Variants in PRKD2 observed in about 807,000 individuals in gnomAD.
PRKD2 encodes the protein serine/threonine-protein kinase D2.
Under a neutral mutation model 86.0 loss-of-function variants are expected in PRKD2, and 22 were observed. That is an observed-to-expected ratio of 0.26 (90% CI 0.18 to 0.37). PRKD2 has a LOEUF of 0.37. PRKD2 is among the 10% of genes least tolerant of loss of function. The pLI, the probability that PRKD2 is intolerant of heterozygous loss-of-function variation, is 1.00. For synonymous variants in PRKD2, 509 were observed against 510.9 expected (o/e 1.00, Z 0.05); for missense variants, 818 against 1,199.2 (o/e 0.68, Z 4.70).
At position 46,710,917 on chromosome 19, in the gene PRKD2, G is replaced by A; in HGVS notation, c.501C>T (p.Leu167=). 5 of 1,534,944 alleles carry A rather than the reference G, an allele frequency of 3.3e-6. No individual in the cohort carries two copies. Among genetic ancestry groups the A allele is most frequent in the Non-Finnish European group, 4.4e-6 (5 of 1,134,672 alleles). ...EMLFGLVRQG[L]KCDGCGLNYH... is the part of the protein sequence containing the mutation. Reference sequence around the variant, plus strand: ...CCCTTTAGCTCTCACCATCGCACTTGAGGCCCTGGCGCACTAGGCCGAAGA... The same window carrying A: ...CCCTTTAGCTCTCACCATCGCACTTAAGGCCCTGGCGCACTAGGCCGAAGA... The change falls in exon 3 of 18, where the codon CTC becomes CTT. Residue 167 remains leucine (L), a synonymous_variant. Coordinates refer to ENST00000291281, the MANE Select transcript of PRKD2 (RefSeq NM_016457.5).
At chr19:46,687,449 A>AT (rs1451557493) in intron 14 of PRKD2, among the ~76,000 whole-genome samples, 1 of 152,080 alleles carries the variant, frequency 6.6e-6, no homozygotes, top group Non-Finnish European at 1.5e-5. Context: ...TGTAACACAA[A>AT]TGAGTTTGAC....
intron 15 of PRKD2, among the ~76,000 whole-genome samples, chr19:46,680,946 A>ATATATATATATATATATATATAT: frequency 3.9e-4 from 19 of 48,234 alleles, no homozygotes; most frequent in South Asian, 1.1e-3. Context: ...ATATATATAT[A>ATATATATATATATATATATATAT]TTTTTTTTTT....
Position 46,689,577 on chromosome 19 carries a change from C to T in PRKD2, c.1931G>A (p.Gly644Asp). 1 of 1,613,752 alleles carries T rather than the reference C, an allele frequency of 6.2e-7. No homozygotes were observed. The highest frequency in any genetic ancestry group is 8.5e-7 in the Non-Finnish European group (1 of 1,179,898). The change falls in exon 14 of 18, where the codon GGC becomes GAC. Residue 644 changes from glycine to aspartate, a missense_variant. This residue lies in a region of PRKD2 where 154 missense variants were observed against 359.6 expected (regional missense o/e 0.43). Coordinates refer to ENST00000291281, the MANE Select transcript of PRKD2 (RefSeq NM_016457.5). ...CTTGGTGAGGCGCTCAGGCAGCCGGCCCTTCTCACTGGACAGGATCATCTC... is the reference window on the plus strand; with the variant it reads ...CTTGGTGAGGCGCTCAGGCAGCCGGTCCTTCTCACTGGACAGGATCATCTC... ...MLEMILSSEKGRLPERLTKFL... is the reference protein window; with the variant it reads ...MLEMILSSEKDRLPERLTKFL...
At chr19:46,689,722 G>A in intron 13 of PRKD2, 24 bp from the exon 14 acceptor site, 1 of 1,613,368 alleles carries the variant, frequency 6.2e-7, no homozygotes. Context: ...AGCGGGGTCA[G>A]GGCCCAGGTA....
In PRKD2 at chr19:46,713,948, A is replaced by C; in HGVS notation, c.294T>G (p.His98Gln). 1 of 1,613,678 alleles carries C rather than the reference A, an allele frequency of 6.2e-7. No homozygotes were observed. The highest frequency in any genetic ancestry group is 8.5e-7 in the Non-Finnish European group (1 of 1,179,900). Residue 98 changes from histidine to glutamine, a missense_variant, in exon 2 of 18, where the codon CAT becomes CAG. Transcript: ENST00000291281. ...GCAGGAGGTTGGCCGACGTGGGGTC[A>C]TGTTTGAAAAGCAGGATCTTGTCGT... The part of the protein sequence containing the change: ...GLYDKILLFK[H>Q]DPTSANLLQL...
chr19:46,691,699 G>C (rs199809745), intron 12 of PRKD2, 36 bp downstream of exon 12: 3 of 1,605,628 alleles, frequency 1.9e-6, no homozygotes, highest in Non-Finnish European at 2.6e-6. Context: ...CCCCCAGCCC[G>C]GGGCTCCCTC....
rs113283031 is a variant in PRKD2 at position 46,678,707 on chromosome 19, G to C, written c.2071-44C>G. ...GGAGGCTCCACCAGGTGATGGAGCC[G>C]CACCCACCCCAGCATCCCCACCACA... On this transcript the variant is annotated intron_variant, in intron 15 of 17. Coordinates refer to ENST00000291281, the MANE Select transcript of PRKD2 (RefSeq NM_016457.5). The surrounding 1 kb of genome is among the most constrained non-coding windows in gnomAD (Gnocchi z 5.7). 1.9e-6 allele frequency: 3 copies of C among 1,564,482 alleles called. No homozygotes were observed. In the Admixed American group the frequency reaches 5.2e-5, roughly 27 times the overall value.
At chr19:46,679,516 T>TG in intron 15 of PRKD2, among the ~76,000 whole-genome samples, 1 of 152,194 alleles carries the variant, frequency 6.6e-6, no homozygotes, top group East Asian at 1.9e-4. Context: ...TCATCTGTAT[T>TG]GGGGGGTTGT....
rs1173082921 is a variant in PRKD2, at chr19:46,700,818, C to T, written c.1102G>A (p.Glu368Lys). 5 of 1,614,132 alleles carry T rather than the reference C, an allele frequency of 3.1e-6. No homozygotes were observed. Among genetic ancestry groups the T allele is most frequent in the East Asian group, 4.5e-5 (2 of 44,870 alleles). Residue 368 changes from glutamate (E) to lysine (K), a missense_variant, in exon 7 of 18, where the codon GAG (glutamate) becomes AAG (lysine). Transcript: ENST00000291281. The part of the protein sequence containing the change: ...ALHASEEEEG[E>K]GGKAQSSLGY... ...GTATACCTCTGGGCCTTGCCTCCCT[C>T]GCCTTCCTCCTCCTCACTGGCGTGG...
rs980297233 is a variant in PRKD2 at position 46,678,309 on chromosome 19, G to A, written c.2338+87C>T. ...ACCCCCAAGGTGCCAGGCTGTTTCC[G>A]GGTCCACCCCCCTCTCATGGCTCCG... On this transcript the variant is annotated intron_variant, in intron 16 of 17. Coordinates refer to ENST00000291281, the MANE Select transcript of PRKD2 (RefSeq NM_016457.5). The surrounding 1 kb of genome is among the most constrained non-coding windows in gnomAD (Gnocchi z 5.7). 9.8e-6 allele frequency: 15 copies of A among 1,526,682 alleles called. No individual in the cohort carries two copies. Among genetic ancestry groups the A allele is most frequent in the African/African-American group, 5.5e-5 (4 of 73,002 alleles). The allele number at this position is 1,526,682 out of a possible 1,614,324, so 94.6% of individuals were successfully genotyped here. A position where few individuals can be genotyped will look rare whatever the true frequency, so the allele number is the denominator to read the frequency against.
In PRKD2 at chr19:46,674,725, G is replaced by T; in HGVS notation, c.2435C>A (p.Thr812Lys). The T allele has an allele frequency of 6.2e-7, 1 of 1,604,432 alleles. No homozygotes were observed. Residue 812 changes from threonine to lysine, a missense_variant, in exon 18 of 18, where the codon ACG becomes AAG. Transcript: ENST00000291281. ...CTCCAGCTCTCGGAGGTCCAGCCACGTCTGGTACTCCTGGGCCCGAGAGAA... is the reference window on the plus strand; with the variant it reads ...CTCCAGCTCTCGGAGGTCCAGCCACTTCTGGTACTCCTGGGCCCGAGAGAA... Reference protein sequence around the residue: ...LSHPWLQEYQTWLDLRELEGK... With the variant: ...LSHPWLQEYQKWLDLRELEGK...
chr19:46,679,516 TG>T (rs1439769241), intron 15 of PRKD2, among the ~76,000 whole-genome samples: 3 of 152,194 alleles, frequency 2.0e-5, no homozygotes, highest in Non-Finnish European at 4.4e-5. Context: ...TCATCTGTAT[TG>T]GGGGGTTGTT....
At chr19:46,707,519 G>C (rs187740202) in intron 3 of PRKD2, among the ~76,000 whole-genome samples, 29 of 152,216 alleles carry the variant, frequency 1.9e-4, no homozygotes, top group African/African-American at 5.8e-4. Context: ...GAACCCAGGA[G>C]GTAGAGGTTG....
At position 46,708,223 on chromosome 19, in the gene PRKD2, A is replaced by G. The variant is rs559018729; in HGVS notation, c.511+2684T>C. On this transcript the variant is annotated intron_variant, in intron 3 of 17. Coordinates refer to ENST00000291281, the MANE Select transcript of PRKD2 (RefSeq NM_016457.5). ...TGAAACCCTAACCTCCAATGCAACT[A>G]TATCTGGAGACGGTGCCTTTATGGA... is the stretch of plus-strand genomic sequence containing the variant. Among the ~76,000 whole-genome samples the G allele has an allele frequency of 6.6e-5, 10 of 151,274 alleles. No homozygotes were observed. The South Asian group carries it at 1.2e-3, about 19-fold the overall frequency.
chr19:46,716,424 GC>G lies in PRKD2; in HGVS notation c.-55del. On this transcript the variant is annotated 5_prime_UTR_variant, in exon 1 of 18. Transcript: ENST00000291281. This position sits in a 1 kb window ranked among gnomAD's most constrained non-coding sequence, Gnocchi z 7.9. ...AGCCCACCCGGGACCCGGCCGGGGGGCCCCGGGGGACCCTGGGTTCTAGATC... is the reference window on the plus strand; with the variant it reads ...AGCCCACCCGGGACCCGGCCGGGGGGCCCGGGGGACCCTGGGTTCTAGATC... 1.1e-5 allele frequency: 13 copies of G among 1,177,846 alleles called. No individual in the cohort carries two copies. The highest frequency in any genetic ancestry group is 1.8e-5 in the South Asian group (1 of 55,688). 73.0% of individuals were successfully genotyped at this position (1,177,846 alleles called of 1,614,324 possible).
At chr19:46,705,808 A>G (rs1266298420) in intron 3 of PRKD2, among the ~76,000 whole-genome samples, 1 of 150,894 alleles carries the variant, frequency 6.6e-6, no homozygotes, top group Non-Finnish European at 1.5e-5. Context: ...AAGAGTTCTC[A>G]GTTGTACTCA....
intron 1 of PRKD2, 79 bp from the exon 2 acceptor site, chr19:46,714,080 G>C (rs1286164080): frequency 6.6e-7 from 1 of 1,520,200 alleles, no homozygotes; most frequent in Non-Finnish European, 8.9e-7. Context: ...ACCCTCCCAG[G>C]GCAGGGCCGG....
chr19:46,700,718 C>A, intron 7 of PRKD2, 81 bp downstream of exon 7: 1 of 1,515,368 alleles, frequency 6.6e-7, no homozygotes, highest in Non-Finnish European at 9.0e-7. Context: ...GTGATGTCAG[C>A]CCATTGTAGA....
At chr19:46,686,401 T>C (rs2053397665) in intron 14 of PRKD2, among the ~76,000 whole-genome samples, 1 of 150,072 alleles carries the variant, frequency 6.7e-6, no homozygotes, top group Non-Finnish European at 1.5e-5. Context: ...CTCAGGAGAC[T>C]GAGATGGGAG....
Sources: allele counts gnomAD v4.1 joint callset (sites outside exome capture counted in the v4.1 genomes callset), GRCh38; gene constraint gnomAD v4.1.1; regional missense constraint gnomAD v4.1.1; non-coding constraint Gnocchi (gnomAD v3.1); transcripts MANE v1.5; gene names NCBI Gene and HGNC (gene_info 2026-07-23, HGNC 2026-07-21).